The following NDUFAF7 variants were observed in gnomAD, a reference collection of about 807,000 sequenced individuals.
NDUFAF7 encodes protein arginine methyltransferase NDUFAF7, mitochondrial.
In NDUFAF7, 48 loss-of-function variants were observed where a neutral mutation model predicts 47.2. The ratio of observed to expected loss-of-function variants is 1.02; its 90% CI spans 0.81 to 1.29. The LOEUF is 1.29. NDUFAF7 is among the 50% of genes most tolerant of loss of function. The pLI, the probability that NDUFAF7 is intolerant of heterozygous loss-of-function variation, is 0.00. For missense variants in NDUFAF7, 635 were observed against 537.6 expected (o/e 1.18, Z -1.79); for synonymous variants, 217 against 190.0 (o/e 1.14, Z -1.17).
Position 37,231,674 on chromosome 2 carries a change from C to T in NDUFAF7, c.-32C>T. 5.0e-6 allele frequency: 8 copies of T among 1,614,000 alleles called. No homozygotes were observed. Among genetic ancestry groups the T allele is most frequent in the South Asian group, 2.2e-5 (2 of 91,064 alleles). ...CCGGAAATGGTCTAAGCCCCAGCTC[C>T]TGGCGGAGCGAGCTAGCCTGCGAAT... On this transcript the variant is annotated 5_prime_UTR_variant, in exon 1 of 10. Transcript: ENST00000002125.
rs2148448007 is a variant in NDUFAF7, at chr2:37,248,419, T to C, written c.*69T>C. The C allele has an allele frequency of 6.4e-6, 9 of 1,397,090 alleles. No homozygotes were observed. Among genetic ancestry groups the C allele is most frequent in the Non-Finnish European group, 9.1e-6 (9 of 983,608 alleles). 86.5% of individuals were successfully genotyped at this position (1,397,090 alleles called of 1,614,324 possible). A position where few individuals can be genotyped will look rare whatever the true frequency, so the allele number is the denominator to read the frequency against. On this transcript the variant is annotated 3_prime_UTR_variant, in exon 10 of 10. Transcript: ENST00000002125. ...CAAAATAAAGGAAACACATTTCATA[T>C]ACTGCAGGTAACAAAAGTCAAAGTA...
At chr2:37,232,983 G>C (rs1478427229) in intron 2 of NDUFAF7, among the ~76,000 whole-genome samples, 2 of 152,208 alleles carry the variant, frequency 1.3e-5, no homozygotes. Flanking sequence ...TGTGACTCTA[G>C]TGTCGAGGTT....
chr2:37,247,499 G>A lies in NDUFAF7; in HGVS notation c.980G>A (p.Gly327Glu). Reference sequence around the variant, plus strand: ...CTTCATGATGTCTTAATTGCCCCAGGAACAGCAGATCTAACAGCTGATGTG... The same window carrying A: ...CTTCATGATGTCTTAATTGCCCCAGAAACAGCAGATCTAACAGCTGATGTG... ...HKLHDVLIAP[G>E]TADLTADVDF... Residue 327 changes from glycine (G) to glutamate (E), a missense_variant, in exon 9 of 10, where the codon GGA becomes GAA. Physicochemically the swap from Gly to Glu is moderately conservative, Grantham distance 98. Transcript: ENST00000002125. 2 of 1,614,044 alleles carry A rather than the reference G, an allele frequency of 1.2e-6. No individual in the cohort carries two copies. The highest frequency in any genetic ancestry group is 1.7e-6 in the Non-Finnish European group (2 of 1,179,968).
downstream of NDUFAF7, among the ~76,000 whole-genome samples, chr2:37,257,542 T>C (rs948102476): frequency 6.6e-6 from 1 of 151,866 alleles, no homozygotes; most frequent in East Asian, 1.9e-4. Context: ...GGCGGGTGCC[T>C]GTAGTCCCAG....
chr2:37,254,878 T>A (rs770290439), downstream of NDUFAF7, among the ~76,000 whole-genome samples: 2 of 152,208 alleles, frequency 1.3e-5, no homozygotes, highest in African/African-American at 2.4e-5. Context: ...CAGGGTGTTT[T>A]AGTGTACATG....
At chr2:37,253,989 G>A (rs1189569139), downstream of NDUFAF7, among the ~76,000 whole-genome samples, 1 of 152,138 alleles carries the variant, frequency 6.6e-6, no homozygotes, top group Non-Finnish European at 1.5e-5. Context: ...GTCTATGAAA[G>A]GCTAAGTCAT....
chr2:37,267,846 G>T, the NDUFAF7 span: 1 of 268,732 alleles, frequency 3.7e-6, no homozygotes, highest in Non-Finnish European at 7.0e-6. Flanking sequence ...GTCCTTCAGA[G>T]ACTCTGTCAA....
At chr2:37,258,575 T>C in the NDUFAF7 span, among the ~76,000 whole-genome samples, 1 of 152,190 alleles carries the variant, frequency 6.6e-6, no homozygotes, top group African/African-American at 2.4e-5. Context: ...ATGTTACCAG[T>C]AGGAGTGTGC....
At chr2:37,247,745 CCA>C in intron 9 of NDUFAF7, 116 bp downstream of exon 9, 1 of 1,233,662 alleles carries the variant, frequency 8.1e-7, no homozygotes, top group Non-Finnish European at 1.2e-6. Context: ...CCTTGGTATT[CCA>C]GTCTTTTCAG....
the NDUFAF7 span, chr2:37,269,183 A>G: frequency 1.0e-5 from 2 of 195,468 alleles, no homozygotes; most frequent in Non-Finnish European, 2.2e-5. Flanking sequence ...AATATCCTAA[A>G]TCGCAAAGTT....
downstream of NDUFAF7, among the ~76,000 whole-genome samples, chr2:37,249,926 C>T (rs1055901640): frequency 6.6e-6 from 1 of 151,702 alleles, no homozygotes; most frequent in African/African-American, 2.4e-5. Flanking sequence ...GCTGCTTCTG[C>T]TTGACAGGAG....
chr2:37,267,868 T>C, the NDUFAF7 span: 4 of 235,246 alleles, frequency 1.7e-5, no homozygotes, highest in East Asian at 3.8e-4. Flanking sequence ...ATGGAAATAC[T>C]GTATGAATGA....
At chr2:37,271,008 C>A in the NDUFAF7 span, among the ~76,000 whole-genome samples, 1 of 152,136 alleles carries the variant, frequency 6.6e-6, no homozygotes, top group South Asian at 2.1e-4. Flanking sequence ...GCTGTCTATT[C>A]TACCTCTCAA....
chr2:37,267,346 TAAA>T, the NDUFAF7 span: 622 of 782,508 alleles, frequency 7.9e-4, no homozygotes, highest in South Asian at 1.4e-3. Flanking sequence ...TTTGCCTTCT[TAAA>T]AAAAAAAAAA....
chr2:37,250,234 T>G (rs1473414586), downstream of NDUFAF7, among the ~76,000 whole-genome samples: 1 of 152,126 alleles, frequency 6.6e-6, no homozygotes, highest in East Asian at 1.9e-4. Context: ...GATTCCTGTA[T>G]TTGTTTTCTT....
chr2:37,256,981 C>A, downstream of NDUFAF7: 2 of 1,569,530 alleles, frequency 1.3e-6, no homozygotes, highest in South Asian at 1.1e-5. Flanking sequence ...ATATATGTAA[C>A]TACCTGTCCC....
chr2:37,256,868 A>G, downstream of NDUFAF7: 1 of 1,613,970 alleles, frequency 6.2e-7, no homozygotes. Flanking sequence ...AGTTCCTACC[A>G]CAGATCTCCT....
chr2:37,248,439 A>G lies in NDUFAF7; in HGVS notation c.*89A>G, dbSNP rs1667156767. ...TCATATACTGCAGGTAACAAAAGTC[A>G]AAGTATTTTATCTTTTCACAGCAAG... On this transcript the variant is annotated 3_prime_UTR_variant, in exon 10 of 10. Coordinates refer to ENST00000002125, the MANE Select transcript of NDUFAF7 (RefSeq NM_144736.5). 4 of 1,244,676 alleles carry G rather than the reference A, an allele frequency of 3.2e-6. No individual in the cohort carries two copies. The highest frequency in any genetic ancestry group is 4.7e-6 in the Non-Finnish European group (4 of 848,196). The allele number at this position is 1,244,676 out of a possible 1,614,324, so 77.1% of individuals were successfully genotyped here.
At chr2:37,255,066 C>T (rs937493738), downstream of NDUFAF7, among the ~76,000 whole-genome samples, 8 of 152,186 alleles carry the variant, frequency 5.3e-5, no homozygotes. Context: ...CATCCTAGTT[C>T]TATTTCTTGT....
Sources: allele counts gnomAD v4.1 joint callset (sites outside exome capture counted in the v4.1 genomes callset), GRCh38; gene constraint gnomAD v4.1.1; transcripts MANE v1.5; gene names NCBI Gene and HGNC (gene_info 2026-07-23, HGNC 2026-07-21).